TGM4: variants seen among roughly 807,000 people sequenced by gnomAD.
TGM4 encodes transglutaminase 4.
Under a neutral mutation model 76.3 loss-of-function variants are expected in TGM4, and 61 were observed. The ratio of observed to expected loss-of-function variants is 0.80; its 90% CI spans 0.65 to 0.99. TGM4 has a LOEUF of 0.99. Among genes scored for constraint, TGM4 ranks in the 50% least tolerant of loss-of-function variants. The pLI, the probability that TGM4 is intolerant of heterozygous loss-of-function variation, is 0.00. For missense variants in TGM4, 794 were observed against 843.2 expected (o/e 0.94, Z 0.72); for synonymous variants, 337 against 329.8 (o/e 1.02, Z -0.24).
Position 44,901,849 on chromosome 3 carries a change from G to A in TGM4, c.889G>A (p.Asp297Asn), listed in dbSNP as rs1045568029. 8 of 1,614,154 alleles carry A rather than the reference G, an allele frequency of 5.0e-6. No individual in the cohort carries two copies. In the East Asian group the frequency reaches 6.7e-5, roughly 13 times the overall value. The change falls in exon 8 of 14, where the codon GAC becomes AAC. Residue 297 changes from aspartate (D) to asparagine (N), a missense_variant. Coordinates refer to ENST00000296125, the MANE Select transcript of TGM4 (RefSeq NM_003241.4). ...RSVTGFDSAH[D>N]TERNLTVDTY... ...TGTGACAGGCTTCGATTCAGCTCAC[G>A]ACACAGAAAGGAACCTCACGGTGGA...
intron 1 of TGM4, among the ~76,000 whole-genome samples, chr3:44,875,118 G>A (rs188455029): frequency 2.5e-3 from 385 of 152,164 alleles, no homozygotes; most frequent in Non-Finnish European, 4.0e-3. Context: ...ATTCTCTTAC[G>A]TAACCAATAC....
chr3:44,876,837 A>G (rs1699457666), intron 1 of TGM4, among the ~76,000 whole-genome samples: 3 of 152,244 alleles, frequency 2.0e-5, no homozygotes, highest in Admixed American at 2.0e-4. Flanking sequence ...TATGAGAAGC[A>G]AATGCTGTTC....
chr3:44,876,207 G>A (rs1699450204), intron 1 of TGM4, among the ~76,000 whole-genome samples: 1 of 152,212 alleles, frequency 6.6e-6, no homozygotes. Context: ...TCCCTGCTGG[G>A]CACAATTTGA....
chr3:44,882,526 G>C (rs188329488), intron 1 of TGM4, among the ~76,000 whole-genome samples: 1 of 152,210 alleles, frequency 6.6e-6, no homozygotes, highest in Non-Finnish European at 1.5e-5. Flanking sequence ...GCCTCCAGTG[G>C]AGAATCTTCC....
chr3:44,877,024 GC>G (rs1165765411), intron 1 of TGM4, among the ~76,000 whole-genome samples: 2 of 152,174 alleles, frequency 1.3e-5, no homozygotes, highest in East Asian at 3.8e-4. Context: ...GAAACAGCAG[GC>G]CAGGTATGGT....
chr3:44,903,833 A>T, intron 8 of TGM4, 51 bp from the exon 9 acceptor site: 1 of 1,536,832 alleles, frequency 6.5e-7, no homozygotes, highest in Non-Finnish European at 9.0e-7. Context: ...ATTTATCTCT[A>T]ACTAGGTTTG....
chr3:44,913,453 T>C, intron 13 of TGM4, 131 bp from the exon 14 acceptor site: 1 of 1,193,730 alleles, frequency 8.4e-7, no homozygotes, highest in Non-Finnish European at 1.2e-6. Context: ...TGCCATGCCC[T>C]GGAATGGCCA....
In TGM4 at chr3:44,893,543, A is replaced by AT. The variant is rs199513174; in HGVS notation, c.431-33dup. 11,075 of 1,586,848 alleles carry AT rather than the reference A, an allele frequency of 7.0e-3. 64 individuals carry two copies. The highest frequency in any genetic ancestry group is 0.031 in the Middle Eastern group (171 of 5,450). On this transcript the variant is annotated intron_variant, in intron 4 of 13. Coordinates refer to ENST00000296125, the MANE Select transcript of TGM4 (RefSeq NM_003241.4). The stretch of plus-strand genomic sequence containing the variant: ...AAGCCTGCTCCTGTCCCAGGGCAGA[A>AT]TATAACCTCTGTGGATGTGTGGTCT...
At chr3:44,898,784 T>A (rs187256089) in intron 6 of TGM4, among the ~76,000 whole-genome samples, 1 of 152,322 alleles carries the variant, frequency 6.6e-6, no homozygotes, top group Non-Finnish European at 1.5e-5. Flanking sequence ...TAGGGGCTGA[T>A]GGGATTACCG....
intron 10 of TGM4, among the ~76,000 whole-genome samples, chr3:44,909,730 T>C (rs1035446798): frequency 6.6e-6 from 1 of 152,228 alleles, no homozygotes; most frequent in South Asian, 2.1e-4. Context: ...CACAAAACTA[T>C]TCTTACTGAG....
intron 5 of TGM4, among the ~76,000 whole-genome samples, chr3:44,894,692 C>T (rs1365237003): frequency 1.3e-5 from 2 of 151,720 alleles, no homozygotes; most frequent in African/African-American, 4.8e-5. Flanking sequence ...AAATGCCAGG[C>T]ATTTCACAGC....
At chr3:44,901,214 T>C (rs1699847962) in intron 6 of TGM4, among the ~76,000 whole-genome samples, 1 of 152,202 alleles carries the variant, frequency 6.6e-6, no homozygotes, top group Admixed American at 6.5e-5. Context: ...TACTCCAGCC[T>C]GGGCTACAGA....
chr3:44,891,647 A>T (rs1036019337), intron 4 of TGM4, among the ~76,000 whole-genome samples: 10 of 152,220 alleles, frequency 6.6e-5, no homozygotes, highest in African/African-American at 2.2e-4. Context: ...ATATTCTCTC[A>T]TATAACCACA....
chr3:44,905,221 G>C (rs921123309), intron 9 of TGM4, among the ~76,000 whole-genome samples: 1 of 151,946 alleles, frequency 6.6e-6, no homozygotes, highest in East Asian at 1.9e-4. Flanking sequence ...CCTGACCTCA[G>C]GTGATCTGCT....
At chr3:44,904,893 G>A (rs1439902995) in intron 9 of TGM4, among the ~76,000 whole-genome samples, 3 of 151,978 alleles carry the variant, frequency 2.0e-5, no homozygotes, top group African/African-American at 7.3e-5. Context: ...TATTGGTCAG[G>A]CTGGTCTCAA....
chr3:44,889,828 C>T (rs1004579759), intron 3 of TGM4, among the ~76,000 whole-genome samples: 1 of 152,110 alleles, frequency 6.6e-6, no homozygotes, highest in South Asian at 2.1e-4. Flanking sequence ...GACATTTAAC[C>T]TTTCCCCTGA....
chr3:44,878,025 C>A (rs376059037), intron 1 of TGM4, among the ~76,000 whole-genome samples: 3 of 151,910 alleles, frequency 2.0e-5, no homozygotes, highest in African/African-American at 7.3e-5. Flanking sequence ...GTGATGCATG[C>A]CTGTAGTGCC....
chr3:44,901,585 GCACAGC>G lies in TGM4; in HGVS notation c.721_726del (p.Thr241_Ala242del). 1 of 1,613,996 alleles carries G rather than the reference GCACAGC, an allele frequency of 6.2e-7. No homozygotes were observed. Among genetic ancestry groups the G allele is most frequent in the Non-Finnish European group, 8.5e-7 (1 of 1,179,936 alleles). ...AATTGGACTGGGGACTACGAAGGTG[GCACAGC>G]CCCATACAAGTGGACAGGCAGTGCC... On this transcript the variant is annotated inframe_deletion, in exon 7 of 14. Transcript: ENST00000296125.
In TGM4 at chr3:44,874,677, G is replaced by T. The variant is rs1473595033; in HGVS notation, c.-2G>T. The T allele has an allele frequency of 1.9e-6, 3 of 1,614,060 alleles. No homozygotes were observed. The African/African-American group carries it at 4.0e-5, about 22-fold the overall frequency. ...TGGCATTGCAGGAGAGAATCTGAAG[G>T]GATGATGGATGCATCAAAAGGTGAG... On this transcript the variant is annotated 5_prime_UTR_variant, in exon 1 of 14. Transcript: ENST00000296125.
Sources: gnomAD v4.1 joint callset for allele counts (sites outside exome capture counted in the v4.1 genomes callset) on GRCh38, gnomAD v4.1.1 for gene constraint, MANE v1.5 for transcripts, NCBI Gene and HGNC (gene_info 2026-07-23, HGNC 2026-07-21) for gene names.